ST3GAL4: variants seen among roughly 807,000 people sequenced by gnomAD.
ST3GAL4 encodes the protein ST3 beta-galactoside alpha-2,3-sialyltransferase 4, also known as CMP-N-acetylneuraminate-beta-galactosamide-alpha-2,3-sialyltransferase 4.
A neutral mutation model predicts 42.6 loss-of-function variants in ST3GAL4; 24 were observed. That is an observed-to-expected ratio of 0.56 (90% CI 0.41 to 0.79). The LOEUF is 0.79. Ranked by LOEUF, ST3GAL4 falls within the 30% of genes least tolerant of loss-of-function variation. The pLI, the probability that ST3GAL4 is intolerant of heterozygous loss-of-function variation, is 0.00. For synonymous variants in ST3GAL4, 135 were observed against 163.2 expected, an observed-to-expected ratio of 0.83 and a Z score of 1.32; for missense variants, 311 against 430.8, an observed-to-expected ratio of 0.72 and a Z score of 2.46.
intron 1 of ST3GAL4, among the ~76,000 whole-genome samples, chr11:126,368,414 C>A (rs1952517367): frequency 6.6e-6 from 1 of 152,254 alleles, no homozygotes; most frequent in Non-Finnish European, 1.5e-5. Context: ...GGCCCTGTGG[C>A]TCCTGTTTCT....
intron 1 of ST3GAL4, among the ~76,000 whole-genome samples, chr11:126,390,979 G>A (rs575495916): frequency 6.8e-4 from 103 of 152,318 alleles, no homozygotes; most frequent in Non-Finnish European, 9.8e-4. Context: ...ACTTCGCGTA[G>A]TACCTTCAAG....
chr11:126,379,392 T>C lies in ST3GAL4; in HGVS notation c.-61+23550T>C, dbSNP rs537088881. ...GGGGCCACATGGAGTCTTGTTTCAT[T>C]GTCTTGGGAAAGCTGTGTCTATTTC... On this transcript the variant is annotated intron_variant, in intron 1 of 10. Coordinates refer to ENST00000444328, the MANE Select transcript of ST3GAL4 (RefSeq NM_001254757.2). This position sits in a 1 kb window ranked among gnomAD's most constrained non-coding sequence, Gnocchi z 4.2. Among the ~76,000 whole-genome samples, 38 of 152,330 alleles carry C rather than the reference T, an allele frequency of 2.5e-4. No individual in the cohort carries two copies. Among genetic ancestry groups the C allele is most frequent in the Admixed American group, 2.1e-3 (32 of 15,294 alleles).
Position 126,400,482 on chromosome 11 carries a change from A to C in ST3GAL4, c.-60-5614A>C, listed in dbSNP as rs1953952983. On this transcript the variant is annotated intron_variant, in intron 1 of 10. Transcript: ENST00000444328. The surrounding 1 kb of genome is among the most constrained non-coding windows in gnomAD (Gnocchi z 4.6). ...GCACCTTAATAAAGGTGGAAAAGGG[A>C]TGTGGCAGCTACAGTGGGAGGGAAA... is the stretch of plus-strand genomic sequence containing the variant. 2.6e-5 allele frequency among the ~76,000 whole-genome samples: 4 copies of C among 152,178 alleles called. No individual in the cohort carries two copies. The highest frequency in any genetic ancestry group is 2.6e-4 in the Admixed American group (4 of 15,278).
chr11:126,408,711 C>A (rs1954384096), intron 8 of ST3GAL4: 1 of 591,958 alleles, frequency 1.7e-6, no homozygotes, highest in South Asian at 2.2e-5. Flanking sequence ...CTGCAGGCGT[C>A]AGGTGGCAGC....
At position 126,397,917 on chromosome 11, in the gene ST3GAL4, GACCCC is replaced by G. The variant is rs2135509053; in HGVS notation, c.-60-8175_-60-8171del. On this transcript the variant is annotated intron_variant, in intron 1 of 10. Coordinates refer to ENST00000444328, the MANE Select transcript of ST3GAL4 (RefSeq NM_001254757.2). This position sits in a 1 kb window ranked among gnomAD's most constrained non-coding sequence, Gnocchi z 5.0. The stretch of plus-strand genomic sequence containing the variant: ...GAGCCCTCATGGCCTACTCTTATGA[GACCCC>G]ACCTCACAACATTGTTAACATTTAG... Among the ~76,000 whole-genome samples, 1 of 149,760 alleles carries G rather than the reference GACCCC, an allele frequency of 6.7e-6. No homozygotes were observed. Among genetic ancestry groups the G allele is most frequent in the African/African-American group, 2.4e-5 (1 of 41,436 alleles).
chr11:126,380,669 T>C (rs1952961278), intron 1 of ST3GAL4, among the ~76,000 whole-genome samples: 1 of 152,206 alleles, frequency 6.6e-6, no homozygotes, highest in Non-Finnish European at 1.5e-5. Context: ...CTGTAAACTC[T>C]TATTTGGTGG....
chr11:126,375,875 T>TG (rs1231642133), intron 1 of ST3GAL4, among the ~76,000 whole-genome samples: 1 of 150,410 alleles, frequency 6.6e-6, no homozygotes, highest in African/African-American at 2.4e-5. Context: ...CTTCCTTTTT[T>TG]TTTTTTTTTT....
chr11:126,388,935 G>C (rs1953358447), intron 1 of ST3GAL4, among the ~76,000 whole-genome samples: 2 of 151,544 alleles, frequency 1.3e-5, no homozygotes, highest in Non-Finnish European at 2.9e-5. Context: ...CTGCCACCAT[G>C]CCTGGCTAAT....
At position 126,413,869 on chromosome 11, in the gene ST3GAL4, G is replaced by C. The variant is rs1954633903; in HGVS notation, c.916-92G>C. ...GCCTGGGGAAGGGAGCTCCCAAGAA[G>C]TGTGGGGCCATTGGGAGGGGCAGGG... On this transcript the variant is annotated intron_variant, in intron 10 of 10. Transcript: ENST00000444328. The C allele has an allele frequency of 2.7e-6, 4 of 1,486,808 alleles. No homozygotes were observed. The Admixed American group carries it at 7.2e-5, about 27-fold the overall frequency. The allele number at this position is 1,486,808 out of a possible 1,614,324, so 92.1% of individuals were successfully genotyped here.
chr11:126,409,506 A>C lies in ST3GAL4; in HGVS notation c.771+95A>C. The C allele has an allele frequency of 5.8e-6, 9 of 1,541,802 alleles. No individual in the cohort carries two copies. The highest frequency in any genetic ancestry group is 8.0e-6 in the Non-Finnish European group (9 of 1,130,296). ...TTAGGAAGCCCTGGAAGGATCCCAT[A>C]ACAGAGGCGGCGGTTTGCATTTTCC... On this transcript the variant is annotated intron_variant, in intron 9 of 10. Coordinates refer to ENST00000444328, the MANE Select transcript of ST3GAL4 (RefSeq NM_001254757.2). This position sits in a 1 kb window ranked among gnomAD's most constrained non-coding sequence, Gnocchi z 4.9.
At chr11:126,382,810 G>C (rs1435609638) in intron 1 of ST3GAL4, among the ~76,000 whole-genome samples, 1 of 152,244 alleles carries the variant, frequency 6.6e-6, no homozygotes, top group African/African-American at 2.4e-5. Context: ...GGCCTTGACA[G>C]GCGGGAATCT....
In ST3GAL4 at chr11:126,384,938, T is replaced by C. The variant is rs978367331; in HGVS notation, c.-60-21158T>C. On this transcript the variant is annotated intron_variant, in intron 1 of 10. Coordinates refer to ENST00000444328, the MANE Select transcript of ST3GAL4 (RefSeq NM_001254757.2). This position sits in a 1 kb window ranked among gnomAD's most constrained non-coding sequence, Gnocchi z 5.5. ...AGAGCTTGAATGGAGAGGGGCCGCC[T>C]TGTGCCTGGGAAGGGAGGACCAGGT... 5.7e-5 allele frequency: 56 copies of C among 984,446 alleles called. No individual in the cohort carries two copies. The highest frequency in any genetic ancestry group is 2.3e-4 in the African/African-American group (13 of 57,210). 61.0% of individuals were successfully genotyped at this position (984,446 alleles called of 1,614,324 possible). A position where few individuals can be genotyped will look rare whatever the true frequency, so the allele number is the denominator to read the frequency against.
At chr11:126,385,511 A>G (rs907737728) in intron 1 of ST3GAL4, among the ~76,000 whole-genome samples, 1 of 152,186 alleles carries the variant, frequency 6.6e-6, no homozygotes, top group Admixed American at 6.5e-5. Context: ...TGCATAGAGT[A>G]TAGAGATTAA....
chr11:126,357,094 G>A (rs1421930430), intron 1 of ST3GAL4, among the ~76,000 whole-genome samples: 3 of 152,206 alleles, frequency 2.0e-5, no homozygotes, highest in African/African-American at 7.2e-5. Context: ...AGTGGGTTCC[G>A]GGGACGTGCC....
chr11:126,379,611 G>T lies in ST3GAL4; in HGVS notation c.-61+23769G>T, dbSNP rs1212404097. 2.0e-5 allele frequency among the ~76,000 whole-genome samples: 3 copies of T among 152,054 alleles called. No homozygotes were observed. The highest frequency in any genetic ancestry group is 7.2e-5 in the African/African-American group (3 of 41,402). ...TCCTGCCTCATCCTCCTGAGTAACT[G>T]AGATTACAGGAATCTGCCACCACAC... On this transcript the variant is annotated intron_variant, in intron 1 of 10. Coordinates refer to ENST00000444328, the MANE Select transcript of ST3GAL4 (RefSeq NM_001254757.2). This position sits in a 1 kb window ranked among gnomAD's most constrained non-coding sequence, Gnocchi z 4.2.
rs528761907 is a variant in ST3GAL4 at position 126,366,266 on chromosome 11, C to T, written c.-61+10424C>T. Among the ~76,000 whole-genome samples, 2 of 152,246 alleles carry T rather than the reference C, an allele frequency of 1.3e-5. No homozygotes were observed. The highest frequency in any genetic ancestry group is 4.1e-4 in the South Asian group (2 of 4,832). ...GCAGCTGCTGTAGCTGAGCCCGGCCCACGGCCAGCCCTGAGGAATGGAGGA... is the reference window on the plus strand; with the variant it reads ...GCAGCTGCTGTAGCTGAGCCCGGCCTACGGCCAGCCCTGAGGAATGGAGGA... On this transcript the variant is annotated intron_variant, in intron 1 of 10. Transcript: ENST00000444328. This position sits in a 1 kb window ranked among gnomAD's most constrained non-coding sequence, Gnocchi z 4.2.
intron 1 of ST3GAL4, among the ~76,000 whole-genome samples, chr11:126,377,209 C>T (rs567926953): frequency 6.6e-6 from 1 of 151,824 alleles, no homozygotes; most frequent in Admixed American, 6.6e-5. Flanking sequence ...CTTACTCTGT[C>T]GCCCAGGCTG....
chr11:126,377,428 C>T (rs952516845), intron 1 of ST3GAL4, among the ~76,000 whole-genome samples: 10 of 151,712 alleles, frequency 6.6e-5, no homozygotes, highest in Non-Finnish European at 1.3e-4. Context: ...GCCTCAGCCT[C>T]CCAAAGTGCT....
chr11:126,369,236 TTCTCTC>T lies in ST3GAL4; in HGVS notation c.-61+13402_-61+13407del, dbSNP rs571045026. Among the ~76,000 whole-genome samples, 586 of 150,954 alleles carry T rather than the reference TTCTCTC, an allele frequency of 3.9e-3. 1 individual carries two copies. Among genetic ancestry groups the T allele is most frequent in the Non-Finnish European group, 7.4e-3 (503 of 67,762 alleles). On this transcript the variant is annotated intron_variant, in intron 1 of 10. Transcript: ENST00000444328. Reference sequence around the variant, plus strand: ...TCCCTTCAAGATAGTGCCTTTTTCTTTCTCTCTCTCTCTTTTTTTTGGGGGGGGGAG... The same window carrying T: ...TCCCTTCAAGATAGTGCCTTTTTCTTTCTCTCTTTTTTTTGGGGGGGGGAG...
Sources: allele counts gnomAD v4.1 joint callset (sites outside exome capture counted in the v4.1 genomes callset), GRCh38; gene constraint gnomAD v4.1.1; non-coding constraint Gnocchi (gnomAD v3.1); transcripts MANE v1.5; gene names NCBI Gene and HGNC (gene_info 2026-07-23, HGNC 2026-07-21).